Variants in ABCD3 observed in about 807,000 individuals in gnomAD.
ABCD3 encodes the protein ATP binding cassette subfamily D member 3.
Under a neutral mutation model 105.5 loss-of-function variants are expected in ABCD3, and 41 were observed. The ratio of observed to expected loss-of-function variants is 0.39; its 90% CI spans 0.30 to 0.50. ABCD3 has a LOEUF of 0.50. Among genes scored for constraint, ABCD3 ranks in the 20% least tolerant of loss-of-function variants. The probability of loss-of-function intolerance (pLI) is 0.84; values close to 1 mark genes in which losing one functional copy is unlikely to be tolerated. For missense variants in ABCD3, 622 were observed against 806.3 expected, an observed-to-expected ratio of 0.77 and a Z score of 2.77; for synonymous variants, 258 against 269.0, an observed-to-expected ratio of 0.96 and a Z score of 0.40.
chr1:94,414,225 G>C (rs1405013520), upstream of ABCD3, among the ~76,000 whole-genome samples: 1 of 152,134 alleles, frequency 6.6e-6, no homozygotes, highest in East Asian at 1.9e-4. Context: ...GAATTTGTTT[G>C]CATCTCATTA....
Position 94,518,304 on chromosome 1 carries a change from T to C in ABCD3, c.*1175T>C, listed in dbSNP as rs1201988819. On this transcript the variant is annotated 3_prime_UTR_variant, in exon 23 of 23. Transcript: ENST00000370214. ...TCAATAAGCTAGATACGAAATCAGT[T>C]TCTCAAACTGAGCTTCAGAAAGGGG... 2 of 152,218 alleles carry C rather than the reference T, an allele frequency of 1.3e-5. No individual in the cohort carries two copies. The highest frequency in any genetic ancestry group is 3.0e-5 in the Non-Finnish European group (2 of 67,782). The allele number at this position is 152,218 out of a possible 1,614,324, so 9.4% of individuals were successfully genotyped here.
Position 94,475,124 on chromosome 1 carries a change from A to G in ABCD3, c.406-19A>G. The G allele has an allele frequency of 6.8e-7, 1 of 1,476,690 alleles. No homozygotes were observed. 91.5% of individuals were successfully genotyped at this position (1,476,690 alleles called of 1,614,324 possible). A position where few individuals can be genotyped will look rare whatever the true frequency, so the allele number is the denominator to read the frequency against. ...AGAAATGAAAAGCAAAACCAATAAT[A>G]TTTGTTTGTTTGTTTTAGATCTCTC... On this transcript the variant is annotated intron_variant, in intron 5 of 22. Transcript: ENST00000370214.
the ABCD3 span, among the ~76,000 whole-genome samples, chr1:94,389,431 G>C: frequency 2.0e-4 from 31 of 152,034 alleles, no homozygotes; most frequent in Admixed American, 1.9e-3. Flanking sequence ...GCTTGAAGGC[G>C]TTCCTGAACC....
chr1:94,470,056 C>G (rs1648375760), intron 4 of ABCD3, among the ~76,000 whole-genome samples: 1 of 152,070 alleles, frequency 6.6e-6, no homozygotes, highest in African/African-American at 2.4e-5. Flanking sequence ...ATTAAATAAC[C>G]TGTTTCTGGA....
chr1:94,386,948 T>A, the ABCD3 span, among the ~76,000 whole-genome samples: 2 of 152,254 alleles, frequency 1.3e-5, no homozygotes, highest in Non-Finnish European at 2.9e-5. Flanking sequence ...TTTTTAGAAT[T>A]GTGTCTCTGA....
chr1:94,448,957 A>G (rs1322581943), intron 1 of ABCD3, among the ~76,000 whole-genome samples: 1 of 152,266 alleles, frequency 6.6e-6, no homozygotes, highest in Admixed American at 6.5e-5. Flanking sequence ...TTTTTTTAGC[A>G]TGCCTAAAGG....
chr1:94,392,309 C>A, the ABCD3 span, among the ~76,000 whole-genome samples: 1 of 152,136 alleles, frequency 6.6e-6, no homozygotes, highest in South Asian at 2.1e-4. Context: ...CAACAGTGAC[C>A]TGAAAAGCTG....
intron 1 of ABCD3, 69 bp from the exon 2 acceptor site, chr1:94,458,538 T>C: frequency 7.1e-7 from 1 of 1,415,404 alleles, no homozygotes; most frequent in Non-Finnish European, 1.0e-6. Flanking sequence ...ATTTGACATC[T>C]TAAAATCATC....
At chr1:94,446,790 C>T (rs889581965) in intron 1 of ABCD3, among the ~76,000 whole-genome samples, 2 of 152,164 alleles carry the variant, frequency 1.3e-5, no homozygotes, top group Admixed American at 1.3e-4. Flanking sequence ...GTTGGTAAAG[C>T]CCCTGAAGTA....
chr1:94,391,997 T>C, the ABCD3 span, among the ~76,000 whole-genome samples: 1 of 152,180 alleles, frequency 6.6e-6, no homozygotes, highest in East Asian at 1.9e-4. Flanking sequence ...GAGTGGCCTT[T>C]GGTCCTTTCG....
At chr1:94,433,813 ATT>A (rs34291881) in intron 1 of ABCD3, among the ~76,000 whole-genome samples, 4 of 146,614 alleles carry the variant, frequency 2.7e-5, no homozygotes, top group Non-Finnish European at 6.0e-5. Context: ...TGCCCTGCTA[ATT>A]TTTTTTTTTT....
intron 5 of ABCD3, among the ~76,000 whole-genome samples, chr1:94,474,931 T>C (rs573151194): frequency 1.3e-5 from 2 of 152,276 alleles, no homozygotes; most frequent in East Asian, 3.9e-4. Context: ...GATATTAACA[T>C]ATTCCATGTA....
Position 94,517,361 on chromosome 1 carries a change from T to C in ABCD3, c.*232T>C, listed in dbSNP as rs111752070. On this transcript the variant is annotated 3_prime_UTR_variant, in exon 23 of 23. Transcript: ENST00000370214. ...TAATTAATAATATGTACTAAGAATGTCCTTATTCTTGTGGTTAAAAACCTG... is the reference window on the plus strand; with the variant it reads ...TAATTAATAATATGTACTAAGAATGCCCTTATTCTTGTGGTTAAAAACCTG... The C allele has an allele frequency of 4.1e-3, 1,759 of 433,694 alleles. 34 individuals are homozygous for C. Among genetic ancestry groups the C allele is most frequent in the African/African-American group, 0.034 (1,659 of 49,504 alleles). 26.9% of individuals were successfully genotyped at this position (433,694 alleles called of 1,614,324 possible). A position where few individuals can be genotyped will look rare whatever the true frequency, so the allele number is the denominator to read the frequency against.
At chr1:94,458,442 T>G (rs1014192316) in intron 1 of ABCD3, among the ~76,000 whole-genome samples, 165 bp from the exon 2 acceptor site, 1 of 152,240 alleles carries the variant, frequency 6.6e-6, no homozygotes, top group South Asian at 2.1e-4. Context: ...TAATGCCTAG[T>G]AAGAGTCAGG....
intron 1 of ABCD3, among the ~76,000 whole-genome samples, chr1:94,449,620 A>G (rs1425865437): frequency 6.6e-6 from 1 of 152,238 alleles, no homozygotes; most frequent in East Asian, 1.9e-4. Context: ...ACAAAATTGA[A>G]CCTGGCCAGA....
At chr1:94,427,829 A>C (rs908831614) in intron 1 of ABCD3, among the ~76,000 whole-genome samples, 1 of 152,198 alleles carries the variant, frequency 6.6e-6, no homozygotes, top group Non-Finnish European at 1.5e-5. Flanking sequence ...AATGGCATTT[A>C]TATTATTTCT....
intron 1 of ABCD3, among the ~76,000 whole-genome samples, chr1:94,436,716 T>C (rs1274664221): frequency 1.3e-5 from 2 of 152,242 alleles, no homozygotes; most frequent in African/African-American, 4.8e-5. Flanking sequence ...TCATTTATCA[T>C]ATCTGTTATG....
chr1:94,411,617 A>G, the ABCD3 span, among the ~76,000 whole-genome samples: 628 of 152,352 alleles, frequency 4.1e-3, 5 homozygotes, highest in African/African-American at 0.014. Flanking sequence ...AGTTTAAACT[A>G]AAAAGTTAAA....
the ABCD3 span, among the ~76,000 whole-genome samples, chr1:94,405,442 C>G: frequency 2.0e-5 from 3 of 151,884 alleles, no homozygotes; most frequent in Non-Finnish European, 4.4e-5. Flanking sequence ...TCCCGAGTAG[C>G]TGGGGTTACA....
Sources: allele counts gnomAD v4.1 joint callset (sites outside exome capture counted in the v4.1 genomes callset), GRCh38; gene constraint gnomAD v4.1.1; transcripts MANE v1.5; gene names NCBI Gene and HGNC (gene_info 2026-07-23, HGNC 2026-07-21).